Variants in SLC35F1 observed in about 807,000 individuals in gnomAD.
The protein encoded by SLC35F1 is solute carrier family 35 member F1.
A neutral mutation model predicts 48.7 loss-of-function variants in SLC35F1; 14 were observed. The ratio of observed to expected loss-of-function variants is 0.29; its 90% CI spans 0.19 to 0.45. The LOEUF (loss-of-function observed/expected upper bound fraction) is 0.45, where lower values mean the gene tolerates loss of function less well. Among genes scored for constraint, SLC35F1 ranks in the 20% least tolerant of loss-of-function variants. The pLI, the probability that SLC35F1 is intolerant of heterozygous loss-of-function variation, is 1.00. For synonymous variants in SLC35F1, 190 were observed against 202.2 expected (o/e 0.94, Z 0.51); for missense variants, 404 against 500.0 (o/e 0.81, Z 1.83).
At chr6:118,109,888 T>C (rs1773375389) in intron 1 of SLC35F1, among the ~76,000 whole-genome samples, 1 of 152,192 alleles carries the variant, frequency 6.6e-6, no homozygotes, top group African/African-American at 2.4e-5. Flanking sequence ...CTTTAGTCTT[T>C]CATTCAGCGC....
intron 1 of SLC35F1, among the ~76,000 whole-genome samples, chr6:118,136,522 G>A (rs567643111): frequency 1.3e-5 from 2 of 152,112 alleles, no homozygotes; most frequent in Non-Finnish European, 2.9e-5. Flanking sequence ...TTTGTATCTT[G>A]AAGGAATTTT....
At chr6:118,201,259 G>C (rs946122633) in intron 2 of SLC35F1, among the ~76,000 whole-genome samples, 8 of 152,086 alleles carry the variant, frequency 5.3e-5, no homozygotes, top group East Asian at 1.9e-4. Flanking sequence ...ATTTGCCAAA[G>C]ATCAGGTACA....
intron 1 of SLC35F1, among the ~76,000 whole-genome samples, chr6:117,981,862 A>G (rs890317083): frequency 2.0e-5 from 3 of 152,004 alleles, no homozygotes; most frequent in South Asian, 2.1e-4. Context: ...TTGTTTTTAC[A>G]TTGCCTTTTT....
chr6:118,074,836 G>A (rs367859396), intron 1 of SLC35F1, among the ~76,000 whole-genome samples: 8 of 152,138 alleles, frequency 5.3e-5, no homozygotes, highest in African/African-American at 1.2e-4. Context: ...TAGAGATGGG[G>A]TCTCACTATA....
chr6:118,122,315 G>A, intron 1 of SLC35F1, among the ~76,000 whole-genome samples: 1 of 151,810 alleles, frequency 6.6e-6, no homozygotes, highest in East Asian at 1.9e-4. Context: ...CTGCAGCTCA[G>A]CTGTGGTGAA....
At chr6:118,097,219 C>G (rs947904678) in intron 1 of SLC35F1, among the ~76,000 whole-genome samples, 4 of 152,192 alleles carry the variant, frequency 2.6e-5, no homozygotes, top group Non-Finnish European at 5.9e-5. Flanking sequence ...ACCTCACTTT[C>G]CACCTGCCTT....
intron 1 of SLC35F1, among the ~76,000 whole-genome samples, chr6:118,069,773 C>T (rs12190596): frequency 0.19 from 28,183 of 152,142 alleles, 2,868 homozygotes; most frequent in East Asian, 0.29. Flanking sequence ...AACTTTGTCC[C>T]TTTTGTGTCT....
chr6:118,224,530 G>A (rs924023693), intron 2 of SLC35F1, among the ~76,000 whole-genome samples: 5 of 152,058 alleles, frequency 3.3e-5, no homozygotes, highest in Non-Finnish European at 7.4e-5. Flanking sequence ...GAGTATCCGG[G>A]ACTATAGGCA....
chr6:118,022,361 T>C (rs1185389822), intron 1 of SLC35F1, among the ~76,000 whole-genome samples: 1 of 152,078 alleles, frequency 6.6e-6, no homozygotes, highest in African/African-American at 2.4e-5. Context: ...AAAATCAATA[T>C]TAAGATGGTA....
chr6:118,156,520 G>T (rs557846456), intron 2 of SLC35F1, among the ~76,000 whole-genome samples: 11 of 152,176 alleles, frequency 7.2e-5, no homozygotes, highest in African/African-American at 2.4e-4. Context: ...ACCAGGGCCT[G>T]TTGGGGGTTG....
intron 1 of SLC35F1, among the ~76,000 whole-genome samples, chr6:117,915,495 T>C (rs61376518): frequency 0.014 from 2,150 of 151,956 alleles, 49 homozygotes; most frequent in African/African-American, 0.049. Flanking sequence ...GAAAGGAATA[T>C]GTGCAGGGAG....
In SLC35F1 at chr6:118,305,064, G is replaced by T. The variant is rs1040143309; in HGVS notation, c.1003-8964G>T. Among the ~76,000 whole-genome samples, 9 of 140,164 alleles carry T rather than the reference G, an allele frequency of 6.4e-5. 1 individual carries two copies. Among genetic ancestry groups the T allele is most frequent in the African/African-American group, 1.2e-4 (4 of 34,710 alleles). The allele number at this position is 140,164 out of a possible 152,430, so 92.0% of individuals were successfully genotyped here. ...TCAACAGGAATGTGTGTGTGTGTGTGTGTGTGTGTGTGTGTGTGTGTGTGT... is the reference window on the plus strand; with the variant it reads ...TCAACAGGAATGTGTGTGTGTGTGTTTGTGTGTGTGTGTGTGTGTGTGTGT... On this transcript the variant is annotated intron_variant, in intron 7 of 7. Coordinates refer to ENST00000360388, the MANE Select transcript of SLC35F1 (RefSeq NM_001029858.4).
intron 3 of SLC35F1, among the ~76,000 whole-genome samples, chr6:118,254,146 G>A (rs1347411767): frequency 6.6e-6 from 1 of 152,126 alleles, no homozygotes; most frequent in Admixed American, 6.5e-5. Context: ...AGAAATGTGT[G>A]TTCATTGGCA....
intron 1 of SLC35F1, among the ~76,000 whole-genome samples, chr6:118,050,576 A>G (rs1392569730): frequency 6.6e-6 from 1 of 152,022 alleles, no homozygotes; most frequent in Non-Finnish European, 1.5e-5. Context: ...CAAAGCAAAA[A>G]GGAGAGAAAG....
At chr6:118,072,241 T>C (rs941158368) in intron 1 of SLC35F1, among the ~76,000 whole-genome samples, 1 of 152,164 alleles carries the variant, frequency 6.6e-6, no homozygotes, top group Non-Finnish European at 1.5e-5. Context: ...ACGAATATAG[T>C]ACCTTCACAA....
intron 2 of SLC35F1, among the ~76,000 whole-genome samples, chr6:118,213,865 T>C (rs192337243): frequency 3.5e-4 from 54 of 152,334 alleles, no homozygotes; most frequent in African/African-American, 1.3e-3. Flanking sequence ...GCATTGCTTC[T>C]TAGGATAGGA....
chr6:118,198,866 G>A (rs2114532877), intron 2 of SLC35F1, among the ~76,000 whole-genome samples: 1 of 152,288 alleles, frequency 6.6e-6, no homozygotes, highest in Middle Eastern at 3.4e-3. Flanking sequence ...GGAAGGTTTT[G>A]CACAAACCCA....
At chr6:118,082,752 A>G (rs1433136702) in intron 1 of SLC35F1, among the ~76,000 whole-genome samples, 2 of 152,284 alleles carry the variant, frequency 1.3e-5, no homozygotes, top group East Asian at 1.9e-4. Context: ...GCAAGAAAAA[A>G]AGATGGCTAC....
intron 1 of SLC35F1, among the ~76,000 whole-genome samples, chr6:118,094,910 G>C (rs1419003446): frequency 6.6e-6 from 1 of 151,860 alleles, no homozygotes; most frequent in African/African-American, 2.4e-5. Flanking sequence ...GGAGGTTGCA[G>C]TCAGCCGAGA....
Sources: allele counts gnomAD v4.1 joint callset (sites outside exome capture counted in the v4.1 genomes callset), GRCh38; gene constraint gnomAD v4.1.1; transcripts MANE v1.5; gene names NCBI Gene and HGNC (gene_info 2026-07-23, HGNC 2026-07-21).